TNIK: variants seen among roughly 807,000 people sequenced by gnomAD.
TNIK encodes TRAF2 and NCK interacting kinase, also known as TRAF2 and NCK-interacting protein kinase.
A neutral mutation model predicts 191.3 loss-of-function variants in TNIK; 49 were observed. That is an observed-to-expected ratio of 0.26 (90% CI 0.20 to 0.32). The LOEUF (loss-of-function observed/expected upper bound fraction) is 0.32. Ranked by LOEUF, TNIK falls within the 10% of genes least tolerant of loss-of-function variation. The probability of loss-of-function intolerance (pLI) is 1.00; values close to 1 mark genes in which losing one functional copy is unlikely to be tolerated. For missense variants in TNIK, 1,155 were observed against 1,702.3 expected (o/e 0.68, Z 5.66); for synonymous variants, 594 against 600.9 (o/e 0.99, Z 0.17).
chr3:171,376,746 T>TGATAGATA (rs3084308), intron 1 of TNIK, among the ~76,000 whole-genome samples: 2,892 of 148,762 alleles, frequency 0.019, 32 homozygotes, highest in East Asian at 0.028. Context: ...GATAGATAGA[T>TGATAGATA]GATAGATAGA....
chr3:171,159,240 C>T lies in TNIK; in HGVS notation c.1017-1576G>A, dbSNP rs749038822. On this transcript the variant is annotated intron_variant, in intron 11 of 32. Transcript: ENST00000436636. The surrounding 1 kb of genome is among the most constrained non-coding windows in gnomAD (Gnocchi z 4.1). ...AAGGAGCGTTTGGGGATAGAGGTCACGAAGCCTGTGGACAGATCTGACATG... is the reference window on the plus strand; with the variant it reads ...AAGGAGCGTTTGGGGATAGAGGTCATGAAGCCTGTGGACAGATCTGACATG... Among the ~76,000 whole-genome samples the T allele has an allele frequency of 8.6e-5, 13 of 151,152 alleles. No individual in the cohort carries two copies. Among genetic ancestry groups the T allele is most frequent in the East Asian group, 3.9e-4 (2 of 5,132 alleles).
intron 1 of TNIK, among the ~76,000 whole-genome samples, chr3:171,409,395 G>A (rs1428471105): frequency 5.3e-5 from 8 of 152,120 alleles, no homozygotes; most frequent in Admixed American, 1.3e-4. Flanking sequence ...TAGGAACAAC[G>A]TGACCTCAGT....
chr3:171,385,522 C>T (rs190091994), intron 1 of TNIK, among the ~76,000 whole-genome samples: 51 of 152,058 alleles, frequency 3.4e-4, no homozygotes, highest in African/African-American at 1.2e-3. Flanking sequence ...GTCAGACAAG[C>T]AGAACATAAC....
intron 1 of TNIK, among the ~76,000 whole-genome samples, chr3:171,421,062 C>G (rs1723732741): frequency 6.6e-6 from 1 of 152,148 alleles, no homozygotes; most frequent in South Asian, 2.1e-4. Flanking sequence ...GACTACAGTA[C>G]AAATCCTACC....
chr3:171,436,514 T>C (rs1005276416), intron 1 of TNIK, among the ~76,000 whole-genome samples: 1 of 152,332 alleles, frequency 6.6e-6, no homozygotes, highest in Non-Finnish European at 1.5e-5. Flanking sequence ...GGATTTTACA[T>C]AACTTGTCAC....
intron 20 of TNIK, 32 bp downstream of exon 20, chr3:171,108,033 A>T (rs561775674): frequency 1.3e-6 from 2 of 1,548,156 alleles, no homozygotes; most frequent in Non-Finnish European, 1.7e-6. Context: ...GTAAATTAAG[A>T]GTTCAAAACT....
chr3:171,415,687 T>TA (rs1264992599), intron 1 of TNIK, among the ~76,000 whole-genome samples: 1 of 150,874 alleles, frequency 6.6e-6, no homozygotes, highest in Non-Finnish European at 1.5e-5. Flanking sequence ...ATCAGTTGAT[T>TA]AAAAAAAAAT....
intron 2 of TNIK, among the ~76,000 whole-genome samples, chr3:171,295,207 A>C (rs1014467176): frequency 3.9e-5 from 6 of 152,216 alleles, no homozygotes; most frequent in East Asian, 1.9e-4. Context: ...CCATGAGCAT[A>C]AAGTTTAGGT....
chr3:171,282,776 A>G (rs992911124), intron 2 of TNIK, among the ~76,000 whole-genome samples: 1 of 152,252 alleles, frequency 6.6e-6, no homozygotes, highest in Non-Finnish European at 1.5e-5. Context: ...AAGAGACTGA[A>G]AACTATTTTC....
At position 171,431,376 on chromosome 3, in the gene TNIK, T is replaced by A. The variant is rs1425059461; in HGVS notation, c.57+28631A>T. ...TATTGCCAAAATGTCCAGGGTTCCA[T>A]ACAAGTACATTCTTTTTAATATAAT... On this transcript the variant is annotated intron_variant, in intron 1 of 32. Transcript: ENST00000436636. 2.0e-5 allele frequency among the ~76,000 whole-genome samples: 3 copies of A among 152,248 alleles called. No individual in the cohort carries two copies. The South Asian group carries it at 6.2e-4, about 32-fold the overall frequency.
At position 171,159,479 on chromosome 3, in the gene TNIK, G is replaced by A. The variant is rs1733691306; in HGVS notation, c.1016+1791C>T. On this transcript the variant is annotated intron_variant, in intron 11 of 32. Transcript: ENST00000436636. This position sits in a 1 kb window ranked among gnomAD's most constrained non-coding sequence, Gnocchi z 4.1. Reference sequence around the variant, plus strand: ...TCGTGATGTTCCATAGACAATGCTTGGCGTCTACTCACAAGCCTTCTCTAA... The same window carrying A: ...TCGTGATGTTCCATAGACAATGCTTAGCGTCTACTCACAAGCCTTCTCTAA... 6.6e-6 allele frequency among the ~76,000 whole-genome samples: 1 copy of A among 152,146 alleles called. No homozygotes were observed. Among genetic ancestry groups the A allele is most frequent in the Non-Finnish European group, 1.5e-5 (1 of 68,034 alleles).
At chr3:171,373,416 T>A (rs1009379706) in intron 1 of TNIK, among the ~76,000 whole-genome samples, 4 of 152,178 alleles carry the variant, frequency 2.6e-5, no homozygotes, top group Non-Finnish European at 4.4e-5. Context: ...ACCACTCCCC[T>A]AATTTTGTTC....
intron 12 of TNIK, among the ~76,000 whole-genome samples, chr3:171,143,698 T>A (rs1178823822): frequency 1.3e-5 from 2 of 152,208 alleles, no homozygotes; most frequent in Non-Finnish European, 2.9e-5. Context: ...GTTCCACTTG[T>A]TTTTATCTCC....
intron 2 of TNIK, among the ~76,000 whole-genome samples, chr3:171,237,287 G>C (rs1448850363): frequency 6.6e-6 from 1 of 152,098 alleles, no homozygotes; most frequent in East Asian, 1.9e-4. Flanking sequence ...AATGTCAGCA[G>C]GGAAAAGACT....
At chr3:171,239,227 G>A (rs1744663505) in intron 2 of TNIK, among the ~76,000 whole-genome samples, 1 of 152,058 alleles carries the variant, frequency 6.6e-6, no homozygotes, top group African/African-American at 2.4e-5. Context: ...ATATTATTTT[G>A]TTTGATTAAA....
intron 18 of TNIK, 23 bp downstream of exon 18, chr3:171,123,573 C>A (rs1285371892): frequency 1.3e-6 from 2 of 1,515,592 alleles, no homozygotes; most frequent in South Asian, 2.6e-5. Flanking sequence ...TCTTCTTTTA[C>A]CATAACCACC....
chr3:171,272,364 T>C (rs751128848), intron 2 of TNIK, among the ~76,000 whole-genome samples: 25 of 152,212 alleles, frequency 1.6e-4, no homozygotes, highest in South Asian at 2.1e-4. Flanking sequence ...GAAAGAAATG[T>C]TCACATTTAA....
At chr3:171,149,805 A>G (rs1287389335) in intron 12 of TNIK, among the ~76,000 whole-genome samples, 1 of 152,202 alleles carries the variant, frequency 6.6e-6, no homozygotes, top group Non-Finnish European at 1.5e-5. Context: ...GCCCAGCTAG[A>G]AAGTGTTCAA....
chr3:171,244,390 T>C (rs969378600), intron 2 of TNIK, among the ~76,000 whole-genome samples: 1 of 152,152 alleles, frequency 6.6e-6, no homozygotes, highest in African/African-American at 2.4e-5. Context: ...ACTTTGTGCT[T>C]ACTTAGTGCT....
Sources: allele counts gnomAD v4.1 joint callset (sites outside exome capture counted in the v4.1 genomes callset), GRCh38; gene constraint gnomAD v4.1.1; non-coding constraint Gnocchi (gnomAD v3.1); transcripts MANE v1.5; gene names NCBI Gene and HGNC (gene_info 2026-07-23, HGNC 2026-07-21).